Variants in MED8 observed in about 807,000 individuals in gnomAD.
MED8 encodes mediator of RNA polymerase II transcription subunit 8.
In MED8, 22 loss-of-function variants were observed where a neutral mutation model predicts 34.8. The observed-to-expected ratio is 0.63, with a 90% CI of 0.45 to 0.90. The LOEUF is 0.90. Among genes scored for constraint, MED8 ranks in the 40% least tolerant of loss-of-function variants. MED8 has a pLI of 0.00. For synonymous variants in MED8, 105 were observed against 120.2 expected, an observed-to-expected ratio of 0.87 and a Z score of 0.83; for missense variants, 260 against 326.3, an observed-to-expected ratio of 0.80 and a Z score of 1.57.
chr1:43,389,626 C>T, intron 1 of MED8, 133 bp downstream of exon 1: 2 of 1,384,866 alleles, frequency 1.4e-6, no homozygotes, highest in African/African-American at 1.5e-5. Flanking sequence ...CGCCCCCCAG[C>T]CCACATTCCC....
rs1316756305 is a variant in MED8 at position 43,386,772 on chromosome 1, A to G, written c.411+86T>C. ...AGAAGCAACTTAGGCGCAACCAACT[A>G]TGTATCCCTACTAGACAGGAATGGT... is the stretch of plus-strand genomic sequence containing the variant. On this transcript the variant is annotated intron_variant, in intron 4 of 6. Coordinates refer to ENST00000372457, the MANE Select transcript of MED8 (RefSeq NM_201542.5). The surrounding 1 kb of genome is among the most constrained non-coding windows in gnomAD (Gnocchi z 4.9). The G allele has an allele frequency of 6.2e-7, 1 of 1,602,386 alleles. No homozygotes were observed. Among genetic ancestry groups the G allele is most frequent in the African/African-American group, 1.3e-5 (1 of 74,750 alleles).
At position 43,386,051 on chromosome 1, in the gene MED8, C is replaced by T. The variant is rs770751643; in HGVS notation, c.669G>A (p.Val223=). 3 of 1,614,008 alleles carry T rather than the reference C, an allele frequency of 1.9e-6. No individual in the cohort carries two copies. The highest frequency in any genetic ancestry group is 3.3e-4 in the Middle Eastern group (2 of 6,062). ...GCTGGCTTGGAGCTCCTGCCATCTG[C>T]ACCTGCTGTAATCCTGAGGTTCCTG... The part of the protein sequence containing the change: ...ILAGTSGLQQ[V]QMAGAPSQQQ... Residue 223 remains valine (V), a synonymous_variant, in exon 6 of 7, where the codon GTG becomes GTA. Coordinates refer to ENST00000372457, the MANE Select transcript of MED8 (RefSeq NM_201542.5). This position sits in a 1 kb window ranked among gnomAD's most constrained non-coding sequence, Gnocchi z 4.9.
At chr1:43,389,387 C>T (rs1647964769) in intron 1 of MED8, among the ~76,000 whole-genome samples, 1 of 152,202 alleles carries the variant, frequency 6.6e-6, no homozygotes, top group Non-Finnish European at 1.5e-5. Context: ...GCTATATCGG[C>T]AACCAACAGC....
intron 1 of MED8, 56 bp from the exon 2 acceptor site, chr1:43,388,484 G>A: frequency 6.3e-7 from 1 of 1,599,134 alleles, no homozygotes; most frequent in Non-Finnish European, 8.5e-7. Flanking sequence ...CACATAGAAA[G>A]GAGGGCTGGA....
At position 43,384,308 on chromosome 1, in the gene MED8, C is replaced by G; in HGVS notation, c.*734G>C. 1 of 1,081,686 alleles carries G rather than the reference C, an allele frequency of 9.2e-7. No individual in the cohort carries two copies. Among genetic ancestry groups the G allele is most frequent in the Non-Finnish European group, 1.3e-6 (1 of 778,822 alleles). 67.0% of individuals were successfully genotyped at this position (1,081,686 alleles called of 1,614,324 possible). ...TGTGCTAAGGAAAAACCCTTTCCCA[C>G]ATAGTCCTGCCTGGCAGAGCCACTT... On this transcript the variant is annotated 3_prime_UTR_variant, in exon 7 of 7. Transcript: ENST00000372457.
At chr1:43,389,445 T>C (rs1013935724) in intron 1 of MED8, among the ~76,000 whole-genome samples, 2 of 152,138 alleles carry the variant, frequency 1.3e-5, no homozygotes, top group African/African-American at 4.8e-5. Context: ...CACCACCTTC[T>C]TGAGCCGTCT....
chr1:43,387,428 C>T, intron 3 of MED8, 75 bp downstream of exon 3: 2 of 1,534,086 alleles, frequency 1.3e-6, no homozygotes, highest in South Asian at 1.2e-5. Flanking sequence ...CAGCTAATAA[C>T]TTAATTTCCC....
chr1:43,386,774 G>C lies in MED8; in HGVS notation c.411+84C>G, dbSNP rs1460443171. ...AAGCAACTTAGGCGCAACCAACTAT[G>C]TATCCCTACTAGACAGGAATGGTAA... On this transcript the variant is annotated intron_variant, in intron 4 of 6. Transcript: ENST00000372457. The surrounding 1 kb of genome is among the most constrained non-coding windows in gnomAD (Gnocchi z 4.9). 6.2e-7 allele frequency: 1 copy of C among 1,602,714 alleles called. No homozygotes were observed. Among genetic ancestry groups the C allele is most frequent in the Non-Finnish European group, 8.5e-7 (1 of 1,173,552 alleles).
chr1:43,389,662 C>T, intron 1 of MED8, 97 bp downstream of exon 1: 3 of 1,531,032 alleles, frequency 2.0e-6, no homozygotes, highest in East Asian at 2.5e-5. Flanking sequence ...TCTGCCCTCT[C>T]TTCTCAGTCC....
intron 3 of MED8, 50 bp from the exon 4 acceptor site, chr1:43,387,048 T>C (rs772824328): frequency 6.2e-7 from 1 of 1,600,804 alleles, no homozygotes; most frequent in Admixed American, 1.7e-5. Flanking sequence ...AAGAAGATTC[T>C]ATCTGGCCTG....
chr1:43,385,141 G>C lies in MED8; in HGVS notation c.743-35C>G, dbSNP rs780968463. 7.7e-6 allele frequency: 12 copies of C among 1,549,070 alleles called. No homozygotes were observed. In the Admixed American group the frequency reaches 1.4e-4, roughly 18 times the overall value. Reference sequence around the variant, plus strand: ...ACATTAAAAAAGTCATCTTAAGCAAGGTAAGACTTTCATGACAAATCAGAA... The same window carrying C: ...ACATTAAAAAAGTCATCTTAAGCAACGTAAGACTTTCATGACAAATCAGAA... On this transcript the variant is annotated intron_variant, in intron 6 of 6. Coordinates refer to ENST00000372457, the MANE Select transcript of MED8 (RefSeq NM_201542.5).
chr1:43,386,310 G>A lies in MED8; in HGVS notation c.494-84C>T. The A allele has an allele frequency of 6.6e-7, 1 of 1,508,812 alleles. No individual in the cohort carries two copies. 93.5% of individuals were successfully genotyped at this position (1,508,812 alleles called of 1,614,324 possible). The stretch of plus-strand genomic sequence containing the variant: ...AGCTGGAAGACCAGTATGAGTGCCA[G>A]GGTTTGGAGTTCTGAATTCAGCAAC... On this transcript the variant is annotated intron_variant, in intron 5 of 6. Transcript: ENST00000372457. The surrounding 1 kb of genome is among the most constrained non-coding windows in gnomAD (Gnocchi z 4.9).
intron 3 of MED8, among the ~76,000 whole-genome samples, chr1:43,387,285 G>A (rs925785077): frequency 6.6e-6 from 1 of 152,168 alleles, no homozygotes; most frequent in Admixed American, 6.5e-5. Context: ...TTTGTGGCTT[G>A]AGACAGATGT....
At chr1:43,387,412 G>C in intron 3 of MED8, 91 bp downstream of exon 3, 2 of 1,479,764 alleles carry the variant, frequency 1.4e-6, no homozygotes, top group Non-Finnish European at 1.8e-6. Context: ...ATTATTTCTA[G>C]GCTCTCAGCT....
At chr1:43,389,566 C>A (rs1377963197) in intron 1 of MED8, among the ~76,000 whole-genome samples, 193 bp downstream of exon 1, 1 of 152,168 alleles carries the variant, frequency 6.6e-6, no homozygotes, top group Non-Finnish European at 1.5e-5. Context: ...TCCTGTCAGG[C>A]AAGCTCCACC....
rs759679365 is a variant in MED8, at chr1:43,384,471, AT to A, written c.*570del. 125 of 1,595,806 alleles carry A rather than the reference AT, an allele frequency of 7.8e-5. No individual in the cohort carries two copies. The highest frequency in any genetic ancestry group is 4.5e-4 in the Admixed American group (26 of 57,802). On this transcript the variant is annotated 3_prime_UTR_variant, in exon 7 of 7. Coordinates refer to ENST00000372457, the MANE Select transcript of MED8 (RefSeq NM_201542.5). ...AGCTTCACCAGAGCTGCAGGTGGGC[AT>A]TTTTTTTTCCTTCCTGGCCCAGAAG...
Position 43,384,514 on chromosome 1 carries a change from C to T in MED8, c.*528G>A. The T allele has an allele frequency of 2.5e-6, 4 of 1,611,934 alleles. No homozygotes were observed. The highest frequency in any genetic ancestry group is 3.4e-6 in the Non-Finnish European group (4 of 1,179,040). On this transcript the variant is annotated 3_prime_UTR_variant, in exon 7 of 7. Coordinates refer to ENST00000372457, the MANE Select transcript of MED8 (RefSeq NM_201542.5). ...GCCCAGAAGCTTCTTCACCTTGCGCCTTAGAGGGATAGCCAGAATGAAACC... is the reference window on the plus strand; with the variant it reads ...GCCCAGAAGCTTCTTCACCTTGCGCTTTAGAGGGATAGCCAGAATGAAACC...
In MED8 at chr1:43,388,366, C is replaced by G. The variant is rs1045601104; in HGVS notation, c.69G>C (p.Lys23Asn). The G allele has an allele frequency of 6.2e-7, 1 of 1,613,598 alleles. No homozygotes were observed. ...TGCAAATGAAACTCCCCAGAGAGTT[C>G]TTCAGATCAGCCACTTGACTCAGCA... is the stretch of plus-strand genomic sequence containing the variant. ...DALLSQVADL[K>N]NSLGSFICKL... Residue 23 changes from lysine (K) to asparagine (N), a missense_variant, in exon 2 of 7, where the codon AAG (lysine) becomes AAC (asparagine). Lys to Asn is a moderately conservative substitution (Grantham distance 94). Coordinates refer to ENST00000372457, the MANE Select transcript of MED8 (RefSeq NM_201542.5).
chr1:43,384,498 C>G lies in MED8; in HGVS notation c.*544G>C, dbSNP rs372481440. 9.3e-6 allele frequency: 15 copies of G among 1,611,584 alleles called. No individual in the cohort carries two copies. The African/African-American group carries it at 9.3e-5, about 10-fold the overall frequency. The stretch of plus-strand genomic sequence containing the variant: ...TTTTTTTTCCTTCCTGGCCCAGAAG[C>G]TTCTTCACCTTGCGCCTTAGAGGGA... On this transcript the variant is annotated 3_prime_UTR_variant, in exon 7 of 7. Transcript: ENST00000372457.
Sources: allele counts gnomAD v4.1 joint callset (sites outside exome capture counted in the v4.1 genomes callset), GRCh38; gene constraint gnomAD v4.1.1; non-coding constraint Gnocchi (gnomAD v3.1); transcripts MANE v1.5; gene names NCBI Gene and HGNC (gene_info 2026-07-23, HGNC 2026-07-21).